The following MYOM1 variants were observed in gnomAD, a reference collection of about 807,000 sequenced individuals.
MYOM1 encodes myomesin 1, also known as myomesin-1.
Under a neutral mutation model 205.3 loss-of-function variants are expected in MYOM1, and 164 were observed. The ratio of observed to expected loss-of-function variants is 0.80; its 90% CI spans 0.70 to 0.91. The LOEUF is 0.91. Among genes scored for constraint, MYOM1 ranks in the 40% least tolerant of loss-of-function variants. The pLI, the probability that MYOM1 is intolerant of heterozygous loss-of-function variation, is 0.00. For synonymous variants in MYOM1, 772 were observed against 789.4 expected, an observed-to-expected ratio of 0.98 and a Z score of 0.37; for missense variants, 2,011 against 2,127.3, an observed-to-expected ratio of 0.95 and a Z score of 1.08.
intron 25 of MYOM1, among the ~76,000 whole-genome samples, chr18:3,098,426 C>T (rs1216339633): frequency 6.6e-6 from 1 of 151,940 alleles, no homozygotes; most frequent in Non-Finnish European, 1.5e-5. Flanking sequence ...TACAGGCGCC[C>T]ACCACCACAC....
intron 30 of MYOM1, 97 bp from the exon 31 acceptor site, chr18:3,085,229 CTTTTTTTTTTTTTTTTTTTTTTTTTTTTT>C (rs398041147): frequency 3.0e-3 from 395 of 131,396 alleles, no homozygotes; most frequent in Middle Eastern, 6.8e-3. Context: ...GCTGCTGCTG[CTTTTTTTTTTTTTTTTTTTTTTTTTTTTT>C]TTTTTTTTTT....
chr18:3,214,826 C>CA (rs2081238202), intron 2 of MYOM1, 108 bp downstream of exon 2: 1 of 1,341,408 alleles, frequency 7.5e-7, no homozygotes, highest in Non-Finnish European at 9.9e-7. Flanking sequence ...AACTCTGTCT[C>CA]AAAAAACCAA....
chr18:3,168,814 C>T lies in MYOM1; in HGVS notation c.1339+3G>A. On this transcript the variant is annotated splice_donor_region_variant and intron_variant, in intron 9 of 37. Coordinates refer to ENST00000356443, the MANE Select transcript of MYOM1 (RefSeq NM_003803.4). Reference sequence around the variant, plus strand: ...TAAGTGAGCATTCATTGTAAAGACTCACCGTTTCTGTACCACTGGATCTCT... The same window carrying T: ...TAAGTGAGCATTCATTGTAAAGACTTACCGTTTCTGTACCACTGGATCTCT... The T allele has an allele frequency of 1.2e-6, 2 of 1,613,756 alleles. No homozygotes were observed. The highest frequency in any genetic ancestry group is 1.7e-6 in the Non-Finnish European group (2 of 1,179,768).
intron 37 of MYOM1, among the ~76,000 whole-genome samples, chr18:3,068,302 A>T (rs947131628): frequency 6.6e-6 from 1 of 152,008 alleles, no homozygotes; most frequent in Admixed American, 6.6e-5. Flanking sequence ...TAATAAAGAG[A>T]TCTGGTATGC....
chr18:3,242,728 C>T, the MYOM1 span, among the ~76,000 whole-genome samples: 14 of 152,110 alleles, frequency 9.2e-5, no homozygotes, highest in Non-Finnish European at 1.5e-4. Flanking sequence ...AGGCTAGTCT[C>T]GAACTCCTGA....
chr18:3,192,688 A>T (rs2080927997), intron 3 of MYOM1, among the ~76,000 whole-genome samples: 1 of 152,248 alleles, frequency 6.6e-6, no homozygotes, highest in Non-Finnish European at 1.5e-5. Context: ...GTTGAGCTTT[A>T]ATCTTGGTGT....
At chr18:3,235,026 G>T in the MYOM1 span, among the ~76,000 whole-genome samples, 7 of 151,818 alleles carry the variant, frequency 4.6e-5, no homozygotes, top group East Asian at 7.7e-4. Flanking sequence ...CAAAGTACTG[G>T]GATTACAGGT....
At chr18:3,197,566 AT>A (rs1255611438) in intron 2 of MYOM1, among the ~76,000 whole-genome samples, 2 of 151,952 alleles carry the variant, frequency 1.3e-5, no homozygotes, top group Non-Finnish European at 2.9e-5. Flanking sequence ...ACCACACTTG[AT>A]TTTTTTTAAA....
intron 2 of MYOM1, among the ~76,000 whole-genome samples, chr18:3,210,261 C>T (rs58952766): frequency 0.023 from 3,447 of 152,252 alleles, 122 homozygotes; most frequent in African/African-American, 0.078. Flanking sequence ...TGTGTTTGGT[C>T]GTCTCTATTT....
chr18:3,197,309 G>A (rs184099996), intron 2 of MYOM1, among the ~76,000 whole-genome samples: 2 of 151,960 alleles, frequency 1.3e-5, no homozygotes, highest in Non-Finnish European at 2.9e-5. Context: ...GCTAATTTTT[G>A]TACGTTTTAG....
At chr18:3,241,082 A>G in the MYOM1 span, among the ~76,000 whole-genome samples, 1 of 152,218 alleles carries the variant, frequency 6.6e-6, no homozygotes, top group Non-Finnish European at 1.5e-5. Flanking sequence ...GCAGAGCATG[A>G]AAGTCTGGAA....
the MYOM1 span, among the ~76,000 whole-genome samples, chr18:3,225,078 C>G: frequency 6.6e-6 from 1 of 152,158 alleles, no homozygotes; most frequent in South Asian, 2.1e-4. Context: ...AGCTCCACCT[C>G]CCGGGTTCAC....
chr18:3,112,429 T>C lies in MYOM1; in HGVS notation c.3304-17A>G, dbSNP rs747121708. On this transcript the variant is annotated splice_polypyrimidine_tract_variant and intron_variant, in intron 21 of 37. Transcript: ENST00000356443. Reference sequence around the variant, plus strand: ...GCCTCGAACCTGGTAGAAGCAGGTGTAGAAGCAATGGGTGTTTGATGAAGC... The same window carrying C: ...GCCTCGAACCTGGTAGAAGCAGGTGCAGAAGCAATGGGTGTTTGATGAAGC... 1.9e-6 allele frequency: 3 copies of C among 1,571,888 alleles called. No homozygotes were observed. The highest frequency in any genetic ancestry group is 2.7e-5 in the African/African-American group (2 of 73,932).
intron 22 of MYOM1, among the ~76,000 whole-genome samples, chr18:3,107,159 C>T (rs765286514): frequency 3.9e-5 from 6 of 152,100 alleles, no homozygotes; most frequent in Admixed American, 1.3e-4. Flanking sequence ...ACTCTGTTGC[C>T]CAGGCTGGAG....
Position 3,214,916 on chromosome 18 carries a change from G to C in MYOM1, c.290+18C>G. On this transcript the variant is annotated intron_variant, in intron 2 of 37. Transcript: ENST00000356443. ...CTCTTCCTGAGGTTGGAAGGTTGGA[G>C]GAGGGCGTCCGACATACCCATGGGA... The C allele has an allele frequency of 6.4e-7, 1 of 1,561,246 alleles. No individual in the cohort carries two copies.
chr18:3,164,139 G>T, intron 10 of MYOM1, 139 bp downstream of exon 10: 1 of 909,442 alleles, frequency 1.1e-6, no homozygotes, highest in Non-Finnish European at 1.6e-6. Context: ...TTACAGGCGT[G>T]AGACATTGCA....
chr18:3,074,487 G>A (rs1229449574), intron 36 of MYOM1, among the ~76,000 whole-genome samples: 1 of 152,078 alleles, frequency 6.6e-6, no homozygotes, highest in African/African-American at 2.4e-5. Context: ...GCTCCCACTC[G>A]GACAAAGAAG....
At chr18:3,243,358 T>C in the MYOM1 span, among the ~76,000 whole-genome samples, 16 of 152,336 alleles carry the variant, frequency 1.1e-4, no homozygotes, top group East Asian at 3.1e-3. Context: ...CAATAGTTTC[T>C]TACATGCAAT....
intron 1 of MYOM1, among the ~76,000 whole-genome samples, chr18:3,218,491 A>G (rs1281023650): frequency 6.6e-6 from 1 of 152,134 alleles, no homozygotes; most frequent in Non-Finnish European, 1.5e-5. Context: ...TTCCTAAGGG[A>G]AAAAAATAGC....
Sources: allele counts gnomAD v4.1 joint callset (sites outside exome capture counted in the v4.1 genomes callset), GRCh38; gene constraint gnomAD v4.1.1; transcripts MANE v1.5; gene names NCBI Gene and HGNC (gene_info 2026-07-23, HGNC 2026-07-21).